RAD51: variants seen among roughly 807,000 people sequenced by gnomAD.
RAD51 encodes the protein DNA repair protein RAD51 homolog 1.
RAD51 carries 14 observed loss-of-function variants against 41.5 expected under a neutral mutation model. That is an observed-to-expected ratio of 0.34 (90% CI 0.22 to 0.53). RAD51 has a LOEUF of 0.53. Among genes scored for constraint, RAD51 ranks in the 20% least tolerant of loss-of-function variants. The pLI is 0.95. For missense variants in RAD51, 234 were observed against 422.0 expected (o/e 0.55, Z 3.90); for synonymous variants, 136 against 148.6 (o/e 0.92, Z 0.62).
At chr15:40,716,078 T>G (rs1895971119) in intron 5 of RAD51, among the ~76,000 whole-genome samples, 1 of 152,240 alleles carries the variant, frequency 6.6e-6, no homozygotes, top group Non-Finnish European at 1.5e-5. Context: ...TAACAAAGCC[T>G]TCCGTAACTG....
At chr15:40,714,219 A>G (rs923973623) in intron 5 of RAD51, among the ~76,000 whole-genome samples, 1 of 152,094 alleles carries the variant, frequency 6.6e-6, no homozygotes, top group Non-Finnish European at 1.5e-5. Context: ...GGAAACATTG[A>G]GAAGAGGAAG....
Position 40,729,583 on chromosome 15 carries a change from G to A in RAD51, c.723G>A (p.Arg241=). 6.2e-7 allele frequency: 1 copy of A among 1,614,038 alleles called. No homozygotes were observed. The highest frequency in any genetic ancestry group is 8.5e-7 in the Non-Finnish European group (1 of 1,180,016). ...CGGGTCGAGGTGAGCTTTCAGCCAGGCAGATGCACTTGGCCAGGTTTCTGC... is the reference window on the plus strand; with the variant it reads ...CGGGTCGAGGTGAGCTTTCAGCCAGACAGATGCACTTGGCCAGGTTTCTGC... The part of the protein sequence containing the change: ...DYSGRGELSA[R]QMHLARFLRM... Residue 241 remains arginine, a synonymous_variant, in exon 8 of 10, where the codon AGG becomes AGA. Coordinates refer to ENST00000267868, the MANE Select transcript of RAD51 (RefSeq NM_002875.5).
At chr15:40,718,983 C>T (rs576866969) in intron 6 of RAD51, 84 bp downstream of exon 6, 2 of 1,268,626 alleles carry the variant, frequency 1.6e-6, no homozygotes, top group East Asian at 4.7e-5. Context: ...CGAAGAATGT[C>T]TCTTCTATAA....
intron 8 of RAD51, 97 bp downstream of exon 8, chr15:40,729,731 C>T (rs1896775451): frequency 6.2e-7 from 1 of 1,607,820 alleles, no homozygotes; most frequent in Non-Finnish European, 8.5e-7. Flanking sequence ...CTGAGATCAT[C>T]AAGCTCTTAG....
chr15:40,730,465 C>T (rs1455895824), intron 9 of RAD51, among the ~76,000 whole-genome samples: 1 of 149,504 alleles, frequency 6.7e-6, no homozygotes, highest in African/African-American at 2.4e-5. Flanking sequence ...GATCACACAT[C>T]ACTGCACTCC....
intron 1 of RAD51, among the ~76,000 whole-genome samples, chr15:40,698,035 A>G (rs1894757802): frequency 6.6e-6 from 1 of 152,144 alleles, no homozygotes; most frequent in African/African-American, 2.4e-5. Flanking sequence ...CCCTACTGTG[A>G]AATAGAACCC....
At chr15:40,724,128 G>C (rs1896419124) in intron 6 of RAD51, among the ~76,000 whole-genome samples, 1 of 152,158 alleles carries the variant, frequency 6.6e-6, no homozygotes, top group African/African-American at 2.4e-5. Flanking sequence ...ATAAAATTAG[G>C]TTGGAATGGT....
chr15:40,729,154 C>G (rs1050645952), intron 7 of RAD51, among the ~76,000 whole-genome samples: 1 of 151,992 alleles, frequency 6.6e-6, no homozygotes, highest in African/African-American at 2.4e-5. Context: ...GGGTGGATCA[C>G]AAGGTCAGGA....
intron 5 of RAD51, among the ~76,000 whole-genome samples, chr15:40,715,772 A>G (rs1026199634): frequency 1.3e-5 from 2 of 152,188 alleles, no homozygotes; most frequent in African/African-American, 4.8e-5. Flanking sequence ...AAGGAAGTCT[A>G]TTCAATTGGA....
intron 6 of RAD51, among the ~76,000 whole-genome samples, chr15:40,720,378 C>T (rs991423406): frequency 3.3e-5 from 5 of 151,990 alleles, no homozygotes; most frequent in African/African-American, 9.7e-5. Context: ...CCACTGCACC[C>T]GGCCTTAATG....
chr15:40,714,518 T>G (rs1181153363), intron 5 of RAD51, among the ~76,000 whole-genome samples: 1 of 152,236 alleles, frequency 6.6e-6, no homozygotes. Flanking sequence ...AGTCAGATAA[T>G]GTCTGTCAAC....
rs545452625 is a variant in RAD51, at chr15:40,711,360, C to T, written c.435+2244C>T. 5.3e-5 allele frequency among the ~76,000 whole-genome samples: 8 copies of T among 152,278 alleles called. No individual in the cohort carries two copies. In the South Asian group the frequency reaches 8.3e-4, roughly 16 times the overall value. The stretch of plus-strand genomic sequence containing the variant: ...GTAGAATCTCTTGAGCCCAAGAGGT[C>T]GAGGCTCCAGTGACTGGGATCGTGC... On this transcript the variant is annotated intron_variant, in intron 5 of 9. Transcript: ENST00000267868.
intron 4 of RAD51, among the ~76,000 whole-genome samples, chr15:40,706,913 A>G (rs1339538469): frequency 6.6e-6 from 1 of 152,208 alleles, no homozygotes; most frequent in Non-Finnish European, 1.5e-5. Context: ...TGACTGGTTA[A>G]AACATTCCAT....
intron 4 of RAD51, among the ~76,000 whole-genome samples, chr15:40,708,647 G>A (rs1447990845): frequency 6.6e-6 from 1 of 152,126 alleles, no homozygotes; most frequent in Admixed American, 6.6e-5. Context: ...GCACTGGCAC[G>A]ATTTTGGCTC....
At chr15:40,703,835 A>T (rs1039167107) in intron 3 of RAD51, among the ~76,000 whole-genome samples, 3 of 151,026 alleles carry the variant, frequency 2.0e-5, no homozygotes, top group African/African-American at 7.3e-5. Context: ...TTCTACCCTA[A>T]CCTGTATTAT....
At chr15:40,697,292 C>A (rs1352162883) in intron 1 of RAD51, among the ~76,000 whole-genome samples, 1 of 151,942 alleles carries the variant, frequency 6.6e-6, no homozygotes, top group Non-Finnish European at 1.5e-5. Flanking sequence ...TTAATAGAGA[C>A]AGGATTTCTC....
Position 40,701,141 on chromosome 15 carries a change from G to A in RAD51, c.165G>A (p.Ala55=), listed in dbSNP as rs763034071. Residue 55 remains alanine (A), a synonymous_variant, in exon 3 of 10, where the codon GCG becomes GCA. Coordinates refer to ENST00000267868, the MANE Select transcript of RAD51 (RefSeq NM_002875.5). ...GFHTVEAVAY[A]PKKELINIKG... is the part of the protein sequence containing the mutation. ...ATACTGTGGAGGCTGTTGCCTATGC[G>A]CCAAAGAAGGAGCTAATAAATATTA... is the stretch of plus-strand genomic sequence containing the variant. 4.6e-5 allele frequency: 75 copies of A among 1,614,046 alleles called. 2 individuals are homozygous for A. In the South Asian group the frequency reaches 5.4e-4, roughly 12 times the overall value.
chr15:40,728,251 C>G (rs187839288), intron 6 of RAD51, among the ~76,000 whole-genome samples: 103 of 152,238 alleles, frequency 6.8e-4, no homozygotes, highest in African/African-American at 2.4e-3. Context: ...ATTATGAGAT[C>G]AGGAGGTCAA....
At chr15:40,719,992 A>G (rs1026009481) in intron 6 of RAD51, among the ~76,000 whole-genome samples, 5 of 152,110 alleles carry the variant, frequency 3.3e-5, no homozygotes, top group Non-Finnish European at 7.4e-5. Flanking sequence ...AAAATAGACA[A>G]CTCATCAATA....
Sources: allele counts gnomAD v4.1 joint callset (sites outside exome capture counted in the v4.1 genomes callset), GRCh38; gene constraint gnomAD v4.1.1; transcripts MANE v1.5; gene names NCBI Gene and HGNC (gene_info 2026-07-23, HGNC 2026-07-21).